Variants in PKN2 observed in about 807,000 individuals in gnomAD.
PKN2 encodes the protein serine/threonine-protein kinase N2.
Under a neutral mutation model 119.1 loss-of-function variants are expected in PKN2, and 38 were observed. The ratio of observed to expected loss-of-function variants is 0.32; its 90% CI spans 0.25 to 0.42. The LOEUF (loss-of-function observed/expected upper bound fraction) is 0.42. Ranked by LOEUF, PKN2 falls within the 10% of genes least tolerant of loss-of-function variation. PKN2 has a pLI of 1.00. For missense variants in PKN2, 850 were observed against 1,165.1 expected (o/e 0.73, Z 3.94); for synonymous variants, 390 against 384.9 (o/e 1.01, Z -0.15).
intron 2 of PKN2, among the ~76,000 whole-genome samples, chr1:88,753,505 C>T (rs969778400): frequency 1.3e-4 from 20 of 151,894 alleles, no homozygotes; most frequent in Non-Finnish European, 2.5e-4. Context: ...AAGAAATACC[C>T]GAGACTGGGT....
chr1:88,705,259 G>A (rs1666930269), intron 1 of PKN2, among the ~76,000 whole-genome samples: 1 of 150,868 alleles, frequency 6.6e-6, no homozygotes, highest in Non-Finnish European at 1.5e-5. Flanking sequence ...CTATTCTCCT[G>A]TTTTCTTCTA....
intron 8 of PKN2, among the ~76,000 whole-genome samples, chr1:88,802,540 A>G (rs1290183303): frequency 1.3e-5 from 2 of 152,046 alleles, no homozygotes; most frequent in African/African-American, 4.8e-5. Context: ...GGCCGTTGCT[A>G]GTCTCGAACT....
intron 6 of PKN2, among the ~76,000 whole-genome samples, chr1:88,779,009 C>T (rs983293470): frequency 2.6e-5 from 4 of 152,198 alleles, no homozygotes; most frequent in South Asian, 2.1e-4. Context: ...AGGCATGAGC[C>T]GCCGCGCCCA....
chr1:88,684,483 TTCTC>T lies in PKN2; in HGVS notation c.-95_-92del. 2.0e-6 allele frequency: 2 copies of T among 988,956 alleles called. No individual in the cohort carries two copies. Among genetic ancestry groups the T allele is most frequent in the Admixed American group, 6.0e-5 (2 of 33,316 alleles). The allele number at this position is 988,956 out of a possible 1,614,324, so 61.3% of individuals were successfully genotyped here. A position where few individuals can be genotyped will look rare whatever the true frequency, so the allele number is the denominator to read the frequency against. On this transcript the variant is annotated 5_prime_UTR_variant, in exon 1 of 22. Transcript: ENST00000370521. ...TCCCTAGTTGTTTTTTTTTTTTTCT[TTCTC>T]TCCCCTCTCCTCACCCCCACCCCGA...
chr1:88,794,908 C>G (rs910610201), intron 8 of PKN2, among the ~76,000 whole-genome samples: 20 of 152,172 alleles, frequency 1.3e-4, no homozygotes, highest in African/African-American at 4.8e-4. Flanking sequence ...CTCCCAATAG[C>G]AAATAATTTC....
At chr1:88,751,059 C>G (rs190587178) in intron 2 of PKN2, among the ~76,000 whole-genome samples, 3 of 152,106 alleles carry the variant, frequency 2.0e-5, no homozygotes, top group Non-Finnish European at 2.9e-5. Flanking sequence ...GGTAGAGATG[C>G]CTTTCAAATG....
chr1:88,776,686 G>A (rs1018834129), intron 6 of PKN2, among the ~76,000 whole-genome samples: 1 of 151,694 alleles, frequency 6.6e-6, no homozygotes, highest in African/African-American at 2.4e-5. Flanking sequence ...GTTGCAGTGA[G>A]CCAAGATCAT....
At chr1:88,746,093 A>G (rs1352471484) in intron 2 of PKN2, among the ~76,000 whole-genome samples, 1 of 152,116 alleles carries the variant, frequency 6.6e-6, no homozygotes, top group Admixed American at 6.5e-5. Context: ...ATACCTTTAA[A>G]CCTTATACCT....
chr1:88,721,680 T>C (rs944565634), intron 1 of PKN2, among the ~76,000 whole-genome samples: 19 of 152,236 alleles, frequency 1.2e-4, no homozygotes, highest in South Asian at 2.1e-4. Context: ...TAAGGTCTTA[T>C]TGGATGCCCT....
At chr1:88,774,277 G>A (rs1384176017) in intron 6 of PKN2, among the ~76,000 whole-genome samples, 1 of 152,180 alleles carries the variant, frequency 6.6e-6, no homozygotes, top group Non-Finnish European at 1.5e-5. Flanking sequence ...GTTAACATAG[G>A]TGTGATTGAG....
At chr1:88,776,707 T>C (rs1466177687) in intron 6 of PKN2, among the ~76,000 whole-genome samples, 1 of 151,368 alleles carries the variant, frequency 6.6e-6, no homozygotes, top group Non-Finnish European at 1.5e-5. Context: ...GCCACTGCAC[T>C]CCAGCCTGGG....
At chr1:88,738,083 A>G (rs1166962363) in intron 1 of PKN2, among the ~76,000 whole-genome samples, 1 of 152,094 alleles carries the variant, frequency 6.6e-6, no homozygotes, top group East Asian at 1.9e-4. Flanking sequence ...TATCAGATAG[A>G]GGGAAGCATG....
intron 15 of PKN2, among the ~76,000 whole-genome samples, chr1:88,810,412 A>G (rs1671735806): frequency 6.6e-6 from 1 of 151,488 alleles, no homozygotes. Context: ...ATGAGCCACC[A>G]CACCCGGCCA....
At chr1:88,789,343 C>T (rs1179418741) in intron 8 of PKN2, among the ~76,000 whole-genome samples, 2 of 152,014 alleles carry the variant, frequency 1.3e-5, no homozygotes, top group South Asian at 2.1e-4. Flanking sequence ...AGGAGTGAAA[C>T]GGCAAGGTAA....
Position 88,684,328 on chromosome 1 carries a change from G to A in PKN2, c.-253G>A. On this transcript the variant is annotated 5_prime_UTR_variant, in exon 1 of 22. Transcript: ENST00000370521. ...AGGCGGCTCCTGGCGTCGCCCAGAG[G>A]GAGCGACTAGACGAACAGTCCGGTG... The A allele has an allele frequency of 4.8e-6, 2 of 420,422 alleles. No homozygotes were observed. 26.0% of individuals were successfully genotyped at this position (420,422 alleles called of 1,614,324 possible). A position where few individuals can be genotyped will look rare whatever the true frequency, so the allele number is the denominator to read the frequency against.
chr1:88,804,779 T>G, intron 9 of PKN2, 67 bp from the exon 10 acceptor site: 1 of 931,194 alleles, frequency 1.1e-6, no homozygotes, highest in Non-Finnish European at 1.7e-6. Context: ...GCTTTAAAAT[T>G]TTATAAATTT....
At chr1:88,714,941 C>T (rs1452618366) in intron 1 of PKN2, among the ~76,000 whole-genome samples, 1 of 152,042 alleles carries the variant, frequency 6.6e-6, no homozygotes, top group Non-Finnish European at 1.5e-5. Context: ...TTTTGAGATA[C>T]GTCCCATCAA....
At chr1:88,786,279 T>G (rs1670569553) in intron 8 of PKN2, 66 bp downstream of exon 8, 4 of 803,172 alleles carry the variant, frequency 5.0e-6, no homozygotes, top group Non-Finnish European at 4.0e-6. Flanking sequence ...TTATATTTTT[T>G]AGAAGGCTTC....
intron 17 of PKN2, among the ~76,000 whole-genome samples, chr1:88,823,967 C>T (rs1672397099): frequency 7.1e-6 from 1 of 139,954 alleles, no homozygotes; most frequent in South Asian, 2.3e-4. Flanking sequence ...TGAGACCACG[C>T]CATTGCACTC....
Sources: allele counts gnomAD v4.1 joint callset (sites outside exome capture counted in the v4.1 genomes callset), GRCh38; gene constraint gnomAD v4.1.1; transcripts MANE v1.5; gene names NCBI Gene and HGNC (gene_info 2026-07-23, HGNC 2026-07-21).